Variants in PRKG1 observed in about 807,000 individuals in gnomAD.
PRKG1 encodes the protein protein kinase cGMP-dependent 1, also known as cGMP-dependent protein kinase 1.
PRKG1 carries 35 observed loss-of-function variants against 88.1 expected under a neutral mutation model. That is an observed-to-expected ratio of 0.40 (90% CI 0.30 to 0.53). The LOEUF is 0.53. Among genes scored for constraint, PRKG1 ranks in the 20% least tolerant of loss-of-function variants. The pLI is 0.59. For synonymous variants in PRKG1, 303 were observed against 292.5 expected (o/e 1.04, Z -0.37); for missense variants, 540 against 839.8 (o/e 0.64, Z 4.41).
chr10:51,075,052 G>A (rs1843912344), intron 1 of PRKG1, 151 bp downstream of exon 1: 2 of 1,187,174 alleles, frequency 1.7e-6, no homozygotes, highest in Middle Eastern at 2.5e-4. Flanking sequence ...TTCTTGCGGG[G>A]CTGTGCACGT....
intron 2 of PRKG1, among the ~76,000 whole-genome samples, chr10:51,238,114 A>T (rs538571462): frequency 3.9e-5 from 6 of 152,274 alleles, no homozygotes; most frequent in African/African-American, 1.4e-4. Flanking sequence ...GTTATAAACT[A>T]ATTTTCCAAA....
chr10:51,818,494 A>T (rs1839651218), intron 4 of PRKG1, among the ~76,000 whole-genome samples: 1 of 152,206 alleles, frequency 6.6e-6, no homozygotes, highest in Non-Finnish European at 1.5e-5. Context: ...AGCCTTTGTT[A>T]GATAGCTCTG....
At position 51,781,006 on chromosome 10, in the gene PRKG1, T is replaced by C. The variant is rs1005382569; in HGVS notation, c.593-23579T>C. Among the ~76,000 whole-genome samples the C allele has an allele frequency of 5.9e-5, 9 of 152,130 alleles. 1 individual carries two copies. The highest frequency in any genetic ancestry group is 3.9e-4 in the Admixed American group (6 of 15,242). On this transcript the variant is annotated intron_variant, in intron 3 of 17. Transcript: ENST00000373980. ...TCTGGAATTTTTTGAAGTCATTTTA[T>C]ATATCCTAAAGACAATGGAAATGGC... is the stretch of plus-strand genomic sequence containing the variant.
At chr10:51,815,129 A>G (rs866514622) in intron 4 of PRKG1, among the ~76,000 whole-genome samples, 5 of 152,278 alleles carry the variant, frequency 3.3e-5, no homozygotes, top group Middle Eastern at 6.8e-3. Flanking sequence ...CTCCATAAGA[A>G]TACTTTCTCA....
At chr10:51,525,671 C>G (rs1037064016) in intron 3 of PRKG1, among the ~76,000 whole-genome samples, 1 of 151,960 alleles carries the variant, frequency 6.6e-6, no homozygotes, top group Non-Finnish European at 1.5e-5. Context: ...GCCCTCCAGC[C>G]TGGGCAACAG....
At chr10:51,703,458 A>T (rs1231386284) in intron 3 of PRKG1, among the ~76,000 whole-genome samples, 1 of 152,136 alleles carries the variant, frequency 6.6e-6, no homozygotes, top group Admixed American at 6.5e-5. Flanking sequence ...TTTTCTTTGG[A>T]TATAAACCTT....
intron 4 of PRKG1, among the ~76,000 whole-genome samples, chr10:51,888,848 C>A (rs1841639909): frequency 6.6e-6 from 1 of 152,080 alleles, no homozygotes. Flanking sequence ...ATAAAATGAA[C>A]TAGTTCATAT....
intron 4 of PRKG1, among the ~76,000 whole-genome samples, chr10:51,889,700 C>T (rs1289596581): frequency 6.6e-6 from 1 of 152,152 alleles, no homozygotes; most frequent in Non-Finnish European, 1.5e-5. Context: ...CCTATTTCTC[C>T]ACATCCTCTC....
chr10:51,160,100 ACT>A (rs1023385636), intron 2 of PRKG1, among the ~76,000 whole-genome samples: 3 of 151,924 alleles, frequency 2.0e-5, no homozygotes, highest in Non-Finnish European at 2.9e-5. Flanking sequence ...AAACTCCAAG[ACT>A]CTGAGTCTGT....
intron 2 of PRKG1, among the ~76,000 whole-genome samples, chr10:51,334,499 T>A (rs1327271568): frequency 6.6e-6 from 1 of 152,204 alleles, no homozygotes; most frequent in Non-Finnish European, 1.5e-5. Context: ...TCGTAATTAA[T>A]GAGGTCTAAC....
At chr10:51,718,567 A>T (rs1841939528) in intron 3 of PRKG1, among the ~76,000 whole-genome samples, 1 of 152,186 alleles carries the variant, frequency 6.6e-6, no homozygotes, top group African/African-American at 2.4e-5. Flanking sequence ...CTATCTTTGA[A>T]AGCATGTTAT....
Position 51,404,558 on chromosome 10 carries a change from T to C in PRKG1, c.479-63165T>C, listed in dbSNP as rs138783493. ...TGCAAAAGTCAATATGGTAATAGCA[T>C]GATATTTTGCTTTGGAATCAAACAT... On this transcript the variant is annotated intron_variant, in intron 2 of 17. Transcript: ENST00000373980. Among the ~76,000 whole-genome samples, 245 of 152,350 alleles carry C rather than the reference T, an allele frequency of 1.6e-3. 1 individual carries two copies. Among genetic ancestry groups the C allele is most frequent in the African/African-American group, 5.8e-3 (242 of 41,574 alleles).
At chr10:51,709,247 G>A (rs75651750) in intron 3 of PRKG1, among the ~76,000 whole-genome samples, 12 of 152,224 alleles carry the variant, frequency 7.9e-5, no homozygotes, top group East Asian at 1.9e-4. Context: ...TATATAATGC[G>A]TGATCTTCTT....
At chr10:51,501,246 T>C (rs1031347210) in intron 3 of PRKG1, among the ~76,000 whole-genome samples, 2 of 152,160 alleles carry the variant, frequency 1.3e-5, no homozygotes, top group Middle Eastern at 3.2e-3. Context: ...TAGACTGGAA[T>C]TATTTCTAGT....
At chr10:51,323,745 G>T (rs956870030) in intron 2 of PRKG1, among the ~76,000 whole-genome samples, 3 of 152,158 alleles carry the variant, frequency 2.0e-5, no homozygotes, top group African/African-American at 7.2e-5. Context: ...AAGGCAGGAG[G>T]GTCACTTGAA....
chr10:51,868,208 G>A (rs1392690930), intron 4 of PRKG1, among the ~76,000 whole-genome samples: 1 of 152,138 alleles, frequency 6.6e-6, no homozygotes, highest in East Asian at 1.9e-4. Flanking sequence ...TACTGAGTAG[G>A]AGGCAGGCAG....
intron 8 of PRKG1, among the ~76,000 whole-genome samples, chr10:52,135,656 G>T (rs1458159799): frequency 6.6e-6 from 1 of 152,090 alleles, no homozygotes; most frequent in African/African-American, 2.4e-5. Context: ...TAGAAAAGAT[G>T]TAAAAGGAAA....
At chr10:51,609,346 G>T (rs1838845031) in intron 3 of PRKG1, among the ~76,000 whole-genome samples, 1 of 152,040 alleles carries the variant, frequency 6.6e-6, no homozygotes, top group Admixed American at 6.6e-5. Flanking sequence ...CTCTATATGG[G>T]TGTGTCATTT....
At position 52,034,349 on chromosome 10, in the gene PRKG1, G is replaced by A. The variant is rs898309390; in HGVS notation, c.763-20135G>A. ...CTTCAAGCGGGATTAGGGGTGACGTGGGAACCTAGAGTGGGAGAGATTAAG... is the reference window on the plus strand; with the variant it reads ...CTTCAAGCGGGATTAGGGGTGACGTAGGAACCTAGAGTGGGAGAGATTAAG... On this transcript the variant is annotated intron_variant, in intron 5 of 17. Transcript: ENST00000373980. Among the ~76,000 whole-genome samples the A allele has an allele frequency of 2.3e-4, 28 of 119,744 alleles. 3 individuals carry two copies. Among genetic ancestry groups the A allele is most frequent in the African/African-American group, 8.6e-4 (28 of 32,696 alleles). The allele number at this position is 119,744 out of a possible 152,430, so 78.6% of individuals were successfully genotyped here.
Sources: gnomAD v4.1 joint callset for allele counts (sites outside exome capture counted in the v4.1 genomes callset) on GRCh38, gnomAD v4.1.1 for gene constraint, MANE v1.5 for transcripts, NCBI Gene and HGNC (gene_info 2026-07-23, HGNC 2026-07-21) for gene names.